Variants in HERC5 observed in about 807,000 individuals in gnomAD.
The protein encoded by HERC5 is E3 ISG15--protein ligase HERC5.
In HERC5, 99 loss-of-function variants were observed where a neutral mutation model predicts 119.6. The observed-to-expected ratio is 0.83, with a 90% CI of 0.70 to 0.98. The LOEUF (loss-of-function observed/expected upper bound fraction) is 0.98, where lower values mean the gene tolerates loss of function less well. HERC5 is among the 50% of genes least tolerant of loss of function. The pLI, the probability that HERC5 is intolerant of heterozygous loss-of-function variation, is 0.00. For synonymous variants in HERC5, 478 were observed against 445.9 expected, an observed-to-expected ratio of 1.07 and a Z score of -0.91; for missense variants, 1,267 against 1,241.3, an observed-to-expected ratio of 1.02 and a Z score of -0.31.
intron 20 of HERC5, among the ~76,000 whole-genome samples, chr4:88,502,688 GTATTA>G (rs1314705480): frequency 2.6e-5 from 4 of 152,240 alleles, no homozygotes; most frequent in South Asian, 2.1e-4. Flanking sequence ...CACTCTAATA[GTATTA>G]CTAGTCTTTT....
At chr4:88,502,684 A>G (rs1396541640) in intron 20 of HERC5, among the ~76,000 whole-genome samples, 9 of 152,202 alleles carry the variant, frequency 5.9e-5, no homozygotes, top group Admixed American at 4.6e-4. Context: ...TATCCACTCT[A>G]ATAGTATTAC....
chr4:88,490,525 T>G (rs1741601190), intron 16 of HERC5, among the ~76,000 whole-genome samples: 1 of 152,138 alleles, frequency 6.6e-6, no homozygotes, highest in Admixed American at 6.5e-5. Flanking sequence ...AAGATTGACT[T>G]TACCAAGTCT....
chr4:88,494,442 C>G, intron 18 of HERC5, 111 bp downstream of exon 18: 9 of 897,558 alleles, frequency 1.0e-5, no homozygotes, highest in Non-Finnish European at 1.4e-5. Flanking sequence ...ATTTTAGGTA[C>G]TTTAGACCAG....
intron 18 of HERC5, among the ~76,000 whole-genome samples, chr4:88,496,829 C>T (rs991135420): frequency 1.3e-5 from 2 of 152,058 alleles, no homozygotes; most frequent in African/African-American, 4.8e-5. Context: ...TAGAAAAATG[C>T]AAAAGGGAAG....
intron 17 of HERC5, 109 bp from the exon 18 acceptor site, chr4:88,494,056 A>C: frequency 1.5e-6 from 1 of 681,760 alleles, no homozygotes; most frequent in Non-Finnish European, 2.2e-6. Context: ...TAAATTTTTC[A>C]ATTTGAGATT....
At chr4:88,491,776 T>G (rs958673224) in intron 16 of HERC5, among the ~76,000 whole-genome samples, 2 of 151,998 alleles carry the variant, frequency 1.3e-5, no homozygotes, top group Non-Finnish European at 2.9e-5. Flanking sequence ...ATTTTTTTTT[T>G]CCTTTTAAGG....
intron 18 of HERC5, among the ~76,000 whole-genome samples, chr4:88,498,935 C>T (rs1033084161): frequency 6.6e-6 from 1 of 152,130 alleles, no homozygotes; most frequent in African/African-American, 2.4e-5. Context: ...GAGAACAGTT[C>T]ACCGCCTTCC....
At chr4:88,486,307 A>G (rs1436717766) in intron 14 of HERC5, 79 bp downstream of exon 14, 20 of 784,602 alleles carry the variant, frequency 2.5e-5, no homozygotes, top group Non-Finnish European at 4.0e-5. Context: ...GCAAAATTGC[A>G]CAATAGAAAT....
At chr4:88,503,444 A>T (rs1742004013) in intron 20 of HERC5, among the ~76,000 whole-genome samples, 1 of 152,084 alleles carries the variant, frequency 6.6e-6, no homozygotes, top group African/African-American at 2.4e-5. Flanking sequence ...GTCCTTAAAA[A>T]TTTTTTTGTC....
chr4:88,466,330 C>T (rs1165807444), intron 6 of HERC5, among the ~76,000 whole-genome samples: 1 of 152,176 alleles, frequency 6.6e-6, no homozygotes, highest in Non-Finnish European at 1.5e-5. Context: ...TATCCTACTG[C>T]CTTGGCCTCC....
Position 88,457,303 on chromosome 4 carries a change from A to C in HERC5, c.34A>C (p.Asn12His). ...ERRSRRKSRRNGRSTAGKAAA... is the reference protein window; with the variant it reads ...ERRSRRKSRRHGRSTAGKAAA... Reference sequence around the variant, plus strand: ...GAGGTCGCGGAGGAAGTCGCGGCGCAACGGGCGCTCGACCGCGGGCAAGGC... The same window carrying C: ...GAGGTCGCGGAGGAAGTCGCGGCGCCACGGGCGCTCGACCGCGGGCAAGGC... Residue 12 changes from asparagine to histidine, a missense_variant, in exon 1 of 23, where the codon AAC (asparagine) becomes CAC (histidine). Asn to His is a moderately conservative substitution (Grantham distance 68). This residue lies in a region of HERC5 where 777 missense variants were observed against 758.0 expected (regional missense o/e 1.03). Transcript: ENST00000264350. 2 of 1,369,706 alleles carry C rather than the reference A, an allele frequency of 1.5e-6. No individual in the cohort carries two copies. The highest frequency in any genetic ancestry group is 1.5e-5 in the African/African-American group (1 of 65,722). 84.8% of individuals were successfully genotyped at this position (1,369,706 alleles called of 1,614,324 possible). A position where few individuals can be genotyped will look rare whatever the true frequency, so the allele number is the denominator to read the frequency against.
Position 88,499,970 on chromosome 4 carries a change from A to G in HERC5, c.2489A>G (p.Glu830Gly). The G allele has an allele frequency of 6.2e-7, 1 of 1,605,686 alleles. No homozygotes were observed. The highest frequency in any genetic ancestry group is 8.5e-7 in the Non-Finnish European group (1 of 1,172,622). ...GATGATGAAGGTGATAACTTTGAGGAAGTATTTTACATCCATTTTAATGTG... is the reference window on the plus strand; with the variant it reads ...GATGATGAAGGTGATAACTTTGAGGGAGTATTTTACATCCATTTTAATGTG... ...LLDDEGDNFE[E>G]VFYIHFNVHW... The change falls in exon 19 of 23, where the codon GAA (glutamate) becomes GGA (glycine). Residue 830 changes from glutamate (E) to glycine (G), a missense_variant. By Grantham distance (98) the Glu-to-Gly change is moderately conservative. Coordinates refer to ENST00000264350, the MANE Select transcript of HERC5 (RefSeq NM_016323.4).
chr4:88,475,080 T>A (rs1425394368), intron 11 of HERC5, among the ~76,000 whole-genome samples: 1 of 151,328 alleles, frequency 6.6e-6, no homozygotes. Context: ...TAATGAGAAT[T>A]ATGTTAAATT....
At chr4:88,504,659 C>A in intron 22 of HERC5, 62 bp downstream of exon 22, 1 of 1,044,692 alleles carries the variant, frequency 9.6e-7, no homozygotes, top group Non-Finnish European at 1.3e-6. Context: ...ATAAAAATTT[C>A]CTTTATGATA....
chr4:88,458,088 G>C, intron 1 of HERC5: 1 of 985,260 alleles, frequency 1.0e-6, no homozygotes, highest in South Asian at 4.7e-5. Context: ...ACTACTGGAC[G>C]TTTGCGTTCC....
At chr4:88,484,129 C>G (rs1002587951) in intron 13 of HERC5, among the ~76,000 whole-genome samples, 4 of 152,104 alleles carry the variant, frequency 2.6e-5, no homozygotes, top group Admixed American at 6.6e-5. Flanking sequence ...GTTTTTATTT[C>G]AAGTAGTAAT....
At chr4:88,501,763 G>C (rs1190232670) in intron 20 of HERC5, among the ~76,000 whole-genome samples, 1 of 152,030 alleles carries the variant, frequency 6.6e-6, no homozygotes, top group African/African-American at 2.4e-5. Context: ...ATATAGTTGT[G>C]TATTGTATGA....
At chr4:88,482,372 CTCT>C (rs1270342005) in intron 13 of HERC5, among the ~76,000 whole-genome samples, 1 of 151,788 alleles carries the variant, frequency 6.6e-6, no homozygotes, top group Non-Finnish European at 1.5e-5. Context: ...CAGCCCTCTG[CTCT>C]TCTTTTCCTC....
intron 13 of HERC5, 68 bp from the exon 14 acceptor site, chr4:88,486,047 A>G (rs1453773774): frequency 1.5e-5 from 12 of 826,112 alleles, no homozygotes; most frequent in Non-Finnish European, 2.2e-5. Context: ...CTGATAATCT[A>G]ATTAACAGCT....
Sources: gnomAD v4.1 joint callset for allele counts (sites outside exome capture counted in the v4.1 genomes callset) on GRCh38, gnomAD v4.1.1 for gene constraint, gnomAD v4.1.1 regional missense constraint, MANE v1.5 for transcripts, NCBI Gene and HGNC (gene_info 2026-07-23, HGNC 2026-07-21) for gene names.